The following TRMT11 variants were observed in gnomAD, a reference collection of about 807,000 sequenced individuals.
TRMT11 encodes the protein tRNA methyltransferase 11.
A neutral mutation model predicts 62.8 loss-of-function variants in TRMT11; 53 were observed. The observed-to-expected ratio is 0.84, with a 90% CI of 0.68 to 1.06. The LOEUF (loss-of-function observed/expected upper bound fraction) is 1.06. Among genes scored for constraint, TRMT11 ranks in the 50% least tolerant of loss-of-function variants. TRMT11 has a pLI of 0.00. For missense variants in TRMT11, 556 were observed against 553.4 expected, an observed-to-expected ratio of 1.00 and a Z score of -0.05; for synonymous variants, 188 against 190.3, an observed-to-expected ratio of 0.99 and a Z score of 0.10.
At chr6:126,079,308 C>G (rs756448180) in intron 17 of TRMT11, among the ~76,000 whole-genome samples, 1 of 152,098 alleles carries the variant, frequency 6.6e-6, no homozygotes, top group South Asian at 2.1e-4. Context: ...AAATTTAACA[C>G]CATGCTCTTG....
intron 21 of TRMT11, among the ~76,000 whole-genome samples, chr6:126,162,997 T>C (rs1355989060): frequency 6.6e-6 from 1 of 152,194 alleles, no homozygotes; most frequent in East Asian, 1.9e-4. Flanking sequence ...AATCATGTTA[T>C]CTGCAAACAG....
chr6:126,222,027 A>G, the TRMT11 span, among the ~76,000 whole-genome samples: 1 of 152,316 alleles, frequency 6.6e-6, no homozygotes, highest in East Asian at 1.9e-4. Context: ...TCTTCTGCAT[A>G]TGGCTAGCCA....
chr6:126,073,946 G>GGGTAAA (rs1447342048), intron 17 of TRMT11, among the ~76,000 whole-genome samples: 4 of 152,016 alleles, frequency 2.6e-5, no homozygotes, highest in Non-Finnish European at 4.4e-5. Context: ...CCAGCAAAGG[G>GGGTAAA]GGTAAAGCCC....
At chr6:126,145,632 G>C (rs1382618533) in intron 21 of TRMT11, among the ~76,000 whole-genome samples, 1 of 152,162 alleles carries the variant, frequency 6.6e-6, no homozygotes, top group Non-Finnish European at 1.5e-5. Context: ...GAGAAGGTCA[G>C]TAACGACTTC....
chr6:126,045,503 CT>C (rs1169048971), intron 16 of TRMT11, among the ~76,000 whole-genome samples: 1 of 152,116 alleles, frequency 6.6e-6, no homozygotes, highest in East Asian at 1.9e-4. Flanking sequence ...ATACATGGTC[CT>C]CAACTTCATT....
the TRMT11 span, among the ~76,000 whole-genome samples, chr6:126,247,402 C>T: frequency 4.7e-4 from 71 of 151,314 alleles, no homozygotes; most frequent in Non-Finnish European, 8.1e-4. Context: ...GAGTTATCAC[C>T]GCACCCAGCC....
downstream of TRMT11, among the ~76,000 whole-genome samples, chr6:126,039,774 G>A (rs183114921): frequency 6.6e-6 from 1 of 151,976 alleles, no homozygotes; most frequent in African/African-American, 2.4e-5. Flanking sequence ...GGCAGTAAAT[G>A]GATCCTCTCT....
rs146589149 is a variant in TRMT11 at position 125,986,813 on chromosome 6, C to T, written c.72+191C>T. On this transcript the variant is annotated intron_variant, in intron 1 of 12. Coordinates refer to ENST00000334379, the MANE Select transcript of TRMT11 (RefSeq NM_001031712.3). The stretch of plus-strand genomic sequence containing the variant: ...GGGTGTGTGTGAGAGAAGTCCGAGA[C>T]CAAACCCCTCGGCCTGCTTAAACTT... 1.4e-3 allele frequency: 822 copies of T among 584,684 alleles called. 6 individuals are homozygous for T. The highest frequency in any genetic ancestry group is 0.013 in the African/African-American group (708 of 53,370). The allele number at this position is 584,684 out of a possible 1,614,324, so 36.2% of individuals were successfully genotyped here. A position where few individuals can be genotyped will look rare whatever the true frequency, so the allele number is the denominator to read the frequency against.
At chr6:126,078,147 T>G (rs574112289) in intron 17 of TRMT11, among the ~76,000 whole-genome samples, 1 of 152,232 alleles carries the variant, frequency 6.6e-6, no homozygotes, top group East Asian at 1.9e-4. Context: ...AAAAGAGACC[T>G]CTGAAAGCTA....
intron 12 of TRMT11, among the ~76,000 whole-genome samples, chr6:126,025,494 A>G (rs1772887313): frequency 6.6e-6 from 1 of 152,218 alleles, no homozygotes; most frequent in African/African-American, 2.4e-5. Context: ...CCTATATAAG[A>G]TCAAATTTAA....
chr6:126,029,217 ATCT>A (rs1425508143), intron 12 of TRMT11, among the ~76,000 whole-genome samples: 1 of 152,074 alleles, frequency 6.6e-6, no homozygotes, highest in Non-Finnish European at 1.5e-5. Flanking sequence ...CCACTTTATG[ATCT>A]TCTAAGAATC....
intron 21 of TRMT11, among the ~76,000 whole-genome samples, chr6:126,171,581 T>A (rs915226821): frequency 1.2e-4 from 18 of 152,160 alleles, no homozygotes; most frequent in African/African-American, 4.3e-4. Context: ...TCTTATAGTA[T>A]TCTTAGTGTG....
chr6:126,194,087 A>G (rs1343437845), intron 1 of TRMT11, among the ~76,000 whole-genome samples: 1 of 152,162 alleles, frequency 6.6e-6, no homozygotes, highest in Non-Finnish European at 1.5e-5. Context: ...TTGACCTAAT[A>G]TATGGTCCAT....
intron 12 of TRMT11, among the ~76,000 whole-genome samples, chr6:126,025,263 A>G (rs187948368): frequency 4.1e-4 from 63 of 152,294 alleles, no homozygotes; most frequent in Middle Eastern, 3.4e-3. Flanking sequence ...TATTTCCCTA[A>G]GCAAATTTAT....
intron 21 of TRMT11, among the ~76,000 whole-genome samples, chr6:126,131,897 C>A (rs1240472773): frequency 6.6e-6 from 1 of 151,794 alleles, no homozygotes. Flanking sequence ...ATATGCCTTG[C>A]TGGCATAGTA....
chr6:126,096,887 A>G (rs561758350), intron 17 of TRMT11, among the ~76,000 whole-genome samples: 41 of 152,320 alleles, frequency 2.7e-4, no homozygotes, highest in African/African-American at 9.9e-4. Context: ...TTAGGAAAGA[A>G]GCTCATTATA....
At chr6:126,014,432 A>G (rs994059126) in intron 11 of TRMT11, among the ~76,000 whole-genome samples, 1 of 151,878 alleles carries the variant, frequency 6.6e-6, no homozygotes, top group Non-Finnish European at 1.5e-5. Flanking sequence ...TGTATTTTTA[A>G]TAGAGACGAG....
the TRMT11 span, among the ~76,000 whole-genome samples, chr6:126,249,798 G>T: frequency 2.0e-5 from 3 of 152,024 alleles, no homozygotes; most frequent in African/African-American, 7.2e-5. Context: ...AATGAATGAA[G>T]ATAAACATGA....
the TRMT11 span, among the ~76,000 whole-genome samples, chr6:126,235,268 G>A: frequency 6.6e-6 from 1 of 152,206 alleles, no homozygotes; most frequent in Non-Finnish European, 1.5e-5. Flanking sequence ...GTGTAAATTA[G>A]TTCAACCATT....
Sources: gnomAD v4.1 joint callset for allele counts (sites outside exome capture counted in the v4.1 genomes callset) on GRCh38, gnomAD v4.1.1 for gene constraint, MANE v1.5 for transcripts, NCBI Gene and HGNC (gene_info 2026-07-23, HGNC 2026-07-21) for gene names.